Variants in IGSF21 observed in about 807,000 individuals in gnomAD.
The protein encoded by IGSF21 is immunoglobulin superfamily member 21.
Under a neutral mutation model 46.8 loss-of-function variants are expected in IGSF21, and 28 were observed. The ratio of observed to expected loss-of-function variants is 0.60; its 90% CI spans 0.44 to 0.82. The LOEUF (loss-of-function observed/expected upper bound fraction) is 0.82, where lower values mean the gene tolerates loss of function less well. Among genes scored for constraint, IGSF21 ranks in the 40% least tolerant of loss-of-function variants. The pLI is 0.00. For synonymous variants in IGSF21, 284 were observed against 273.6 expected (o/e 1.04, Z -0.38); for missense variants, 624 against 665.5 (o/e 0.94, Z 0.69).
chr1:18,259,179 A>G (rs1355108376), intron 2 of IGSF21, among the ~76,000 whole-genome samples: 2 of 152,196 alleles, frequency 1.3e-5, no homozygotes, highest in Non-Finnish European at 2.9e-5. Context: ...AGGCCAGTTT[A>G]TGAGAGAAAT....
chr1:18,213,835 G>T (rs1016415184), intron 1 of IGSF21, among the ~76,000 whole-genome samples: 1 of 152,152 alleles, frequency 6.6e-6, no homozygotes, highest in African/African-American at 2.4e-5. Context: ...CCTCTCATCA[G>T]CCCAGGATCT....
intron 2 of IGSF21, among the ~76,000 whole-genome samples, chr1:18,278,285 G>A (rs983084033): frequency 3.3e-5 from 5 of 151,674 alleles, no homozygotes; most frequent in African/African-American, 9.7e-5. Context: ...TGTTGCCCAG[G>A]CTGGAGGGCA....
intron 2 of IGSF21, among the ~76,000 whole-genome samples, chr1:18,282,620 A>C (rs1332350891): frequency 6.7e-6 from 1 of 148,522 alleles, no homozygotes. Flanking sequence ...TTTGCCAAAA[A>C]CTCATCCCCT....
chr1:18,377,471 T>C (rs771758311), intron 9 of IGSF21, 40 bp downstream of exon 9: 2 of 1,562,666 alleles, frequency 1.3e-6, no homozygotes, highest in Non-Finnish European at 1.8e-6. Flanking sequence ...TAAAAGGGAG[T>C]GGCTTTTGAG....
chr1:18,359,383 AAAGGAAGGAAGGAAGGAAGGAAGG>A lies in IGSF21; in HGVS notation c.425-2697_425-2674del, dbSNP rs1202935647. The stretch of plus-strand genomic sequence containing the variant: ...GAAAGAAAGAAAGAAAGAAAGAAAG[AAAGGAAGGAAGGAAGGAAGGAAGG>A]AAGGAAGGAAGGAAGGAAGGAAGGA... On this transcript the variant is annotated intron_variant, in intron 4 of 9. Transcript: ENST00000251296. 1.9e-3 allele frequency among the ~76,000 whole-genome samples: 116 copies of A among 61,096 alleles called. 3 individuals carry two copies. The highest frequency in any genetic ancestry group is 7.8e-3 in the Middle Eastern group (1 of 128). 40.1% of individuals were successfully genotyped at this position (61,096 alleles called of 152,430 possible). A position where few individuals can be genotyped will look rare whatever the true frequency, so the allele number is the denominator to read the frequency against.
Position 18,340,963 on chromosome 1 carries a change from CCTTCTTCTCCTT to C in IGSF21, c.424+5977_424+5988del, listed in dbSNP as rs200596849. Reference sequence around the variant, plus strand: ...TCTCCGTCCTCCTCCCCCTCCCCCTCCTTCTTCTCCTTCTTCTTCTCCTTCTTCTTCTCCTCC... The same window carrying C: ...TCTCCGTCCTCCTCCCCCTCCCCCTCCTTCTTCTCCTTCTTCTTCTCCTCC... On this transcript the variant is annotated intron_variant, in intron 4 of 9. Transcript: ENST00000251296. Among the ~76,000 whole-genome samples the C allele has an allele frequency of 2.1e-3, 315 of 147,500 alleles. 3 individuals carry two copies. Among genetic ancestry groups the C allele is most frequent in the African/African-American group, 7.0e-3 (276 of 39,508 alleles).
intron 1 of IGSF21, among the ~76,000 whole-genome samples, chr1:18,153,160 C>T (rs903694424): frequency 3.3e-5 from 5 of 152,142 alleles, no homozygotes; most frequent in African/African-American, 9.7e-5. Flanking sequence ...TGCTCCCAGC[C>T]GCTCTGCTGG....
intron 1 of IGSF21, among the ~76,000 whole-genome samples, chr1:18,179,773 T>C (rs1041864860): frequency 3.9e-5 from 6 of 152,150 alleles, no homozygotes; most frequent in African/African-American, 7.2e-5. Context: ...TCAGATCCCA[T>C]CCTTTAGGTC....
intron 1 of IGSF21, among the ~76,000 whole-genome samples, chr1:18,187,272 C>G (rs1160621735): frequency 6.6e-6 from 1 of 152,264 alleles, no homozygotes; most frequent in South Asian, 2.1e-4. Context: ...TCTGATCTCT[C>G]TCTCTTCCTC....
intron 2 of IGSF21, among the ~76,000 whole-genome samples, chr1:18,248,723 A>G (rs915694640): frequency 5.9e-5 from 9 of 152,014 alleles, no homozygotes; most frequent in Non-Finnish European, 8.8e-5. Flanking sequence ...CCTTTACTTA[A>G]CAAATAGTTA....
intron 1 of IGSF21, among the ~76,000 whole-genome samples, chr1:18,199,714 C>T (rs920904732): frequency 6.6e-6 from 1 of 152,158 alleles, no homozygotes; most frequent in African/African-American, 2.4e-5. Flanking sequence ...TCTCTCACCT[C>T]GGCTGCAAAG....
At position 18,193,395 on chromosome 1, in the gene IGSF21, A is replaced by AAT. The variant is rs377588859; in HGVS notation, c.71-34488_71-34487dup. ...TTCTCTAGAGGGACAGAATTAATGG[A>AAT]ATATATATATATATATGAATTTATT... On this transcript the variant is annotated intron_variant, in intron 1 of 9. Coordinates refer to ENST00000251296, the MANE Select transcript of IGSF21 (RefSeq NM_032880.5). Among the ~76,000 whole-genome samples the AAT allele has an allele frequency of 6.3e-3, 950 of 150,498 alleles. 7 individuals carry two copies. The highest frequency in any genetic ancestry group is 0.017 in the Middle Eastern group (5 of 290).
intron 3 of IGSF21, among the ~76,000 whole-genome samples, chr1:18,308,988 C>G (rs929086861): frequency 7.2e-5 from 11 of 152,042 alleles, no homozygotes; most frequent in Non-Finnish European, 1.3e-4. Context: ...CACCAGGTCC[C>G]CATACTCATA....
chr1:18,241,703 A>G (rs1398475416), intron 2 of IGSF21, among the ~76,000 whole-genome samples: 3 of 152,186 alleles, frequency 2.0e-5, no homozygotes, highest in African/African-American at 7.2e-5. Flanking sequence ...TCATATCATC[A>G]TGAATGCCAC....
intron 3 of IGSF21, among the ~76,000 whole-genome samples, chr1:18,316,964 A>G (rs1166735777): frequency 2.0e-5 from 3 of 152,202 alleles, no homozygotes; most frequent in Non-Finnish European, 1.5e-5. Flanking sequence ...TGGCTCATGG[A>G]GGTAACCTCA....
rs972851467 is a variant in IGSF21 at position 18,296,499 on chromosome 1, C to T, written c.305+4512C>T. 6.6e-4 allele frequency among the ~76,000 whole-genome samples: 101 copies of T among 152,258 alleles called. 1 individual carries two copies. The highest frequency in any genetic ancestry group is 2.4e-3 in the African/African-American group (100 of 41,550). ...CTAAGGGCAGTAAACTGGGGACACT[C>T]AGCAGGGTGGCTTGTTCAGATCCCT... is the stretch of plus-strand genomic sequence containing the variant. On this transcript the variant is annotated intron_variant, in intron 3 of 9. Coordinates refer to ENST00000251296, the MANE Select transcript of IGSF21 (RefSeq NM_032880.5).
At chr1:18,216,480 G>GCT (rs2124495726) in intron 1 of IGSF21, among the ~76,000 whole-genome samples, 1 of 152,280 alleles carries the variant, frequency 6.6e-6, no homozygotes, top group African/African-American at 2.4e-5. Flanking sequence ...ATTTTAGGGG[G>GCT]CTGGGTACCT....
Position 18,376,388 on chromosome 1 carries a change from G to A in IGSF21, c.1094G>A (p.Gly365Glu). The stretch of plus-strand genomic sequence containing the variant: ...GACACAGTGAGGATTCTGGTCCATG[G>A]GTTTCAGGTCAGCCTCTCTCTGAGC... ...VGDTVRILVH[G>E]FQNEVFPEPM... Residue 365 changes from glycine (G) to glutamate (E), a missense_variant, in exon 7 of 10, where the codon GGG (glycine) becomes GAG (glutamate). Coordinates refer to ENST00000251296, the MANE Select transcript of IGSF21 (RefSeq NM_032880.5). 6.2e-7 allele frequency: 1 copy of A among 1,613,274 alleles called. No individual in the cohort carries two copies. The highest frequency in any genetic ancestry group is 8.5e-7 in the Non-Finnish European group (1 of 1,179,290).
intron 6 of IGSF21, among the ~76,000 whole-genome samples, chr1:18,373,087 C>A (rs1359878817): frequency 1.2e-4 from 18 of 152,164 alleles, no homozygotes; most frequent in Non-Finnish European, 4.4e-5. Context: ...TTTCACATTG[C>A]AGTCTTATCT....
Sources: gnomAD v4.1 joint callset for allele counts (sites outside exome capture counted in the v4.1 genomes callset) on GRCh38, gnomAD v4.1.1 for gene constraint, MANE v1.5 for transcripts, NCBI Gene and HGNC (gene_info 2026-07-23, HGNC 2026-07-21) for gene names.